DACH1: variants seen among roughly 807,000 people sequenced by gnomAD.
The protein encoded by DACH1 is dachshund homolog 1.
In DACH1, 12 loss-of-function variants were observed where a neutral mutation model predicts 54.2. The observed-to-expected ratio is 0.22, with a 90% confidence interval of 0.14 to 0.36. The LOEUF (loss-of-function observed/expected upper bound fraction) is 0.36, where lower values mean the gene tolerates loss of function less well. Among genes scored for constraint, DACH1 ranks in the 10% least tolerant of loss-of-function variants. The probability of loss-of-function intolerance (pLI) is 1.00; values close to 1 mark genes in which losing one functional copy is unlikely to be tolerated. For missense variants in DACH1, 805 were observed against 929.8 expected, an observed-to-expected ratio of 0.87 and a Z score of 1.75; for synonymous variants, 386 against 366.2, an observed-to-expected ratio of 1.05 and a Z score of -0.62.
At chr13:71,600,038 G>C (rs1024328012) in intron 3 of DACH1, among the ~76,000 whole-genome samples, 3 of 152,160 alleles carry the variant, frequency 2.0e-5, no homozygotes, top group Non-Finnish European at 2.9e-5. Context: ...GGCAATATCT[G>C]AATGTCTTAA....
intron 1 of DACH1, among the ~76,000 whole-genome samples, chr13:71,793,732 G>T (rs1886925244): frequency 6.6e-6 from 1 of 152,098 alleles, no homozygotes; most frequent in South Asian, 2.1e-4. Context: ...TCACTATGCT[G>T]CCCAGGCTGG....
chr13:71,763,934 T>TTATTCATTTATCTGTATTTA (rs1440411669), intron 1 of DACH1, among the ~76,000 whole-genome samples: 11 of 152,196 alleles, frequency 7.2e-5, no homozygotes, highest in African/African-American at 1.7e-4. Context: ...GCAAAACATT[T>TTATTCATTTATCTGTATTTA]TATTCATTTA....
At chr13:71,448,620 T>C (rs922171538) in intron 10 of DACH1, among the ~76,000 whole-genome samples, 1 of 152,212 alleles carries the variant, frequency 6.6e-6, no homozygotes, top group African/African-American at 2.4e-5. Flanking sequence ...AAAGTCTACA[T>C]TAAACATGAG....
At chr13:71,793,812 C>T (rs1022065855) in intron 1 of DACH1, among the ~76,000 whole-genome samples, 47 of 152,184 alleles carry the variant, frequency 3.1e-4, no homozygotes, top group African/African-American at 1.1e-3. Context: ...CAGGCGTGAG[C>T]CACCATGCCT....
At chr13:71,689,969 TTAAG>T (rs1202313559) in intron 1 of DACH1, among the ~76,000 whole-genome samples, 1 of 152,178 alleles carries the variant, frequency 6.6e-6, no homozygotes, top group Non-Finnish European at 1.5e-5. Flanking sequence ...TTAGAATATA[TTAAG>T]TATTATATTA....
intron 1 of DACH1, among the ~76,000 whole-genome samples, chr13:71,771,371 G>A (rs2138036250): frequency 6.6e-6 from 1 of 151,038 alleles, no homozygotes; most frequent in South Asian, 2.1e-4. Flanking sequence ...TTGCCAGAAT[G>A]ACCAAATGAC....
intron 2 of DACH1, among the ~76,000 whole-genome samples, chr13:71,659,513 T>C (rs1337491374): frequency 1.3e-5 from 2 of 152,052 alleles, no homozygotes; most frequent in African/African-American, 4.8e-5. Flanking sequence ...ACACATACCA[T>C]AAAATATAAT....
chr13:71,470,666 T>A (rs933574725), intron 10 of DACH1, among the ~76,000 whole-genome samples: 1 of 152,072 alleles, frequency 6.6e-6, no homozygotes, highest in Non-Finnish European at 1.5e-5. Flanking sequence ...TTCCCTCTCA[T>A]CAGTCTCTTC....
At chr13:71,683,750 C>T (rs924544183) in intron 1 of DACH1, among the ~76,000 whole-genome samples, 1 of 152,032 alleles carries the variant, frequency 6.6e-6, no homozygotes, top group Non-Finnish European at 1.5e-5. Context: ...ATCAACAGCC[C>T]TCTGATAGTA....
At chr13:71,629,982 C>T (rs1277233566) in intron 3 of DACH1, among the ~76,000 whole-genome samples, 3 of 152,002 alleles carry the variant, frequency 2.0e-5, no homozygotes, top group African/African-American at 7.2e-5. Context: ...TGACAGTTAA[C>T]TTTTCATCTT....
chr13:71,654,305 G>T (rs1175616004), intron 2 of DACH1, among the ~76,000 whole-genome samples: 1 of 151,000 alleles, frequency 6.6e-6, no homozygotes, highest in Non-Finnish European at 1.5e-5. Context: ...CAGGAGAATC[G>T]CTTGAACCCA....
intron 3 of DACH1, among the ~76,000 whole-genome samples, chr13:71,586,594 T>C (rs967939678): frequency 6.6e-6 from 1 of 152,098 alleles, no homozygotes; most frequent in African/African-American, 2.4e-5. Context: ...CTTTCTTCAA[T>C]ACTGACCTCT....
At chr13:71,475,090 G>T (rs778433932) in intron 10 of DACH1, 51 bp downstream of exon 10, 3 of 1,548,012 alleles carry the variant, frequency 1.9e-6, no homozygotes, top group Non-Finnish European at 2.7e-6. Flanking sequence ...TAAAGCTGAG[G>T]AAAAACTCAT....
At chr13:71,761,372 C>G (rs1885393003) in intron 1 of DACH1, among the ~76,000 whole-genome samples, 1 of 152,110 alleles carries the variant, frequency 6.6e-6, no homozygotes. Flanking sequence ...AAAAGGGAGT[C>G]CATGTTATGC....
chr13:71,458,040 AT>A (rs1411986911), intron 10 of DACH1, among the ~76,000 whole-genome samples: 1 of 151,838 alleles, frequency 6.6e-6, no homozygotes, highest in Non-Finnish European at 1.5e-5. Flanking sequence ...TACCCCTTAT[AT>A]TTCTTACTCT....
intron 2 of DACH1, among the ~76,000 whole-genome samples, chr13:71,639,112 C>T (rs533303856): frequency 1.3e-5 from 2 of 152,214 alleles, no homozygotes; most frequent in South Asian, 2.1e-4. Context: ...TTTGAAAACA[C>T]CAGTACCTTT....
At chr13:71,761,353 C>T (rs1384674251) in intron 1 of DACH1, among the ~76,000 whole-genome samples, 1 of 152,076 alleles carries the variant, frequency 6.6e-6, no homozygotes, top group Admixed American at 6.6e-5. Context: ...TACTTATAAG[C>T]GCTGACTCAA....
intron 1 of DACH1, among the ~76,000 whole-genome samples, chr13:71,743,601 A>T (rs1441616820): frequency 6.6e-6 from 1 of 152,200 alleles, no homozygotes; most frequent in African/African-American, 2.4e-5. Context: ...GCCAGGAATG[A>T]ATCTGATTTG....
chr13:71,524,878 G>T (rs980960830), intron 6 of DACH1, among the ~76,000 whole-genome samples: 2 of 152,052 alleles, frequency 1.3e-5, no homozygotes, highest in Non-Finnish European at 2.9e-5. Context: ...AGGATAATCA[G>T]TACAGTCACT....
Sources: gnomAD v4.1 joint callset for allele counts (sites outside exome capture counted in the v4.1 genomes callset) on GRCh38, gnomAD v4.1.1 for gene constraint, MANE v1.5 for transcripts, NCBI Gene and HGNC (gene_info 2026-07-23, HGNC 2026-07-21) for gene names.